The following LRRC63 variants were observed in gnomAD, a reference collection of about 807,000 sequenced individuals.
The protein encoded by LRRC63 is leucine-rich repeat-containing protein 63.
A neutral mutation model predicts 49.5 loss-of-function variants in LRRC63; 40 were observed. That is an observed-to-expected ratio of 0.81 (90% confidence interval 0.63 to 1.05). The LOEUF (loss-of-function observed/expected upper bound fraction) is 1.05, where lower values mean the gene tolerates loss of function less well. Among genes scored for constraint, LRRC63 ranks in the 50% least tolerant of loss-of-function variants. The probability of loss-of-function intolerance (pLI) is 0.00; values close to 1 mark genes in which losing one functional copy is unlikely to be tolerated. For missense variants in LRRC63, 636 were observed against 663.1 expected, an observed-to-expected ratio of 0.96 and a Z score of 0.45; for synonymous variants, 191 against 221.1, an observed-to-expected ratio of 0.86 and a Z score of 1.21.
At chr13:46,258,255 A>G (rs865947032) in intron 7 of LRRC63, among the ~76,000 whole-genome samples, 16 of 148,248 alleles carry the variant, frequency 1.1e-4, no homozygotes, top group Admixed American at 1.0e-3. Context: ...TCAGCCTCCC[A>G]AGTAGCTGGG....
rs755438831 is a variant in LRRC63, at chr13:46,246,512, G to T, written c.991-15G>T. On this transcript the variant is annotated splice_polypyrimidine_tract_variant and intron_variant, in intron 5 of 9. Transcript: ENST00000595396. ...GTTAGTGATTAACACCTTATCTCTT[G>T]TCACTTTCTTTTAGGGCTTTTTTAT... The T allele has an allele frequency of 4.6e-5, 62 of 1,354,000 alleles. No homozygotes were observed. The highest frequency in any genetic ancestry group is 1.0e-4 in the Admixed American group (3 of 30,084). 83.9% of individuals were successfully genotyped at this position (1,354,000 alleles called of 1,614,324 possible). A position where few individuals can be genotyped will look rare whatever the true frequency, so the allele number is the denominator to read the frequency against.
chr13:46,272,931 A>G (rs1028902883), intron 9 of LRRC63, among the ~76,000 whole-genome samples: 3 of 152,192 alleles, frequency 2.0e-5, no homozygotes, highest in African/African-American at 7.2e-5. Context: ...GGAGGGGACA[A>G]CCCAAGGGAA....
chr13:46,212,859 C>CTTTTTTTTTTT, intron 1 of LRRC63, 143 bp from the exon 2 acceptor site: 1 of 501,448 alleles, frequency 2.0e-6, no homozygotes, highest in Non-Finnish European at 3.5e-6. Flanking sequence ...TTCTTACCCT[C>CTTTTTTTTTTT]TTTTTTTTTC....
At chr13:46,249,943 G>A (rs562828104) in intron 6 of LRRC63, 1 of 152,632 alleles carries the variant, frequency 6.6e-6, no homozygotes, top group South Asian at 2.1e-4. Flanking sequence ...AAATTACTGG[G>A]ATGTCAGAAA....
intron 9 of LRRC63, among the ~76,000 whole-genome samples, chr13:46,271,118 A>G (rs2047752322): frequency 6.6e-6 from 1 of 152,178 alleles, no homozygotes; most frequent in Non-Finnish European, 1.5e-5. Flanking sequence ...CTGACTTTTC[A>G]TATACTCAGT....
At chr13:46,232,369 A>G (rs141035546) in intron 4 of LRRC63, among the ~76,000 whole-genome samples, 59 of 152,384 alleles carry the variant, frequency 3.9e-4, no homozygotes, top group African/African-American at 1.3e-3. Context: ...AGACTCCAAG[A>G]AACACAGTAG....
intron 5 of LRRC63, among the ~76,000 whole-genome samples, chr13:46,237,681 T>C (rs984851): frequency 0.54 from 81,576 of 151,784 alleles, 25,523 homozygotes; most frequent in African/African-American, 0.86. Flanking sequence ...TAAAGATCAA[T>C]AAAATAAACA....
chr13:46,221,124 A>G (rs1397038789), intron 2 of LRRC63, among the ~76,000 whole-genome samples: 1 of 152,214 alleles, frequency 6.6e-6, no homozygotes. Flanking sequence ...CACTATGTGT[A>G]CAGCTGGCAC....
At chr13:46,226,395 CA>C (rs765739217) in intron 2 of LRRC63, among the ~76,000 whole-genome samples, 32 of 152,140 alleles carry the variant, frequency 2.1e-4, no homozygotes, top group Non-Finnish European at 4.7e-4. Flanking sequence ...GAATCAGCAT[CA>C]GTCTTGTACC....
At chr13:46,225,686 G>T (rs2046551982) in intron 2 of LRRC63, among the ~76,000 whole-genome samples, 1 of 152,142 alleles carries the variant, frequency 6.6e-6, no homozygotes, top group Non-Finnish European at 1.5e-5. Context: ...GCTTTAATTA[G>T]TTCCACTTAA....
intron 9 of LRRC63, among the ~76,000 whole-genome samples, chr13:46,271,721 TAAA>T (rs56215272): frequency 6.8e-5 from 9 of 131,998 alleles, no homozygotes; most frequent in Admixed American, 1.5e-4. Context: ...TCATTTAAAC[TAAA>T]AAAAAAAAAA....
chr13:46,271,892 A>C (rs2047764527), intron 9 of LRRC63, among the ~76,000 whole-genome samples: 1 of 152,110 alleles, frequency 6.6e-6, no homozygotes, highest in African/African-American at 2.4e-5. Flanking sequence ...TACAGAAAAA[A>C]GTTTATAAAT....
intron 9 of LRRC63, chr13:46,270,754 C>T: frequency 2.0e-6 from 1 of 494,406 alleles, no homozygotes; most frequent in East Asian, 4.0e-5. Flanking sequence ...TGGTGCTTCA[C>T]TTACCTTCGT....
At chr13:46,226,407 C>A (rs1468257799) in intron 2 of LRRC63, among the ~76,000 whole-genome samples, 1 of 152,074 alleles carries the variant, frequency 6.6e-6, no homozygotes, top group Non-Finnish European at 1.5e-5. Flanking sequence ...GTCTTGTACC[C>A]CATGGAAATG....
chr13:46,217,574 T>A (rs2046288101), intron 2 of LRRC63, among the ~76,000 whole-genome samples: 1 of 152,212 alleles, frequency 6.6e-6, no homozygotes, highest in Non-Finnish European at 1.5e-5. Flanking sequence ...GATTCATTGA[T>A]TTTTTGAAGG....
At position 46,234,237 on chromosome 13, in the gene LRRC63, G is replaced by A. The variant is rs138373532; in HGVS notation, c.878G>A (p.Arg293His). ...ATAGAATCAGAGATACACGTTGTACGTGGTGAAGGTTTTAAGACTGTTGCA... is the reference window on the plus strand; with the variant it reads ...ATAGAATCAGAGATACACGTTGTACATGGTGAAGGTTTTAAGACTGTTGCA... The change falls in exon 5 of 10, where the codon CGT becomes CAT. Residue 293 changes from arginine (R) to histidine (H), a missense_variant. By Grantham distance (29) the Arg-to-His change is conservative (BLOSUM62 0). Coordinates refer to ENST00000595396, the Ensembl canonical transcript of LRRC63. The A allele has an allele frequency of 9.5e-4, 1,468 of 1,550,156 alleles. 23 individuals are homozygous for A. The East Asian group carries it at 0.03, about 32-fold the overall frequency.
intron 4 of LRRC63, among the ~76,000 whole-genome samples, chr13:46,229,509 G>C (rs1312047045): frequency 6.6e-6 from 1 of 152,190 alleles, no homozygotes. Flanking sequence ...ATTACAAGTA[G>C]AATGTGGTGG....
At position 46,213,050 on chromosome 13, in the gene LRRC63, C is replaced by T. The variant is rs753296012; in HGVS notation, c.16C>T (p.Leu6=). The T allele has an allele frequency of 7.1e-6, 11 of 1,548,816 alleles. No individual in the cohort carries two copies. The South Asian group carries it at 1.2e-4, about 17-fold the overall frequency. Reference sequence around the variant, plus strand: ...ATTCATTAAAATGCAAAAGCCCCCACTGCTTCTTCGAAGACCCTTACCTCC... The same window carrying T: ...ATTCATTAAAATGCAAAAGCCCCCATTGCTTCTTCGAAGACCCTTACCTCC... The change falls in exon 2 of 10, where the codon CTG becomes TTG. Residue 6 remains leucine (L), a synonymous_variant. Coordinates refer to ENST00000595396, the Ensembl canonical transcript of LRRC63.
chr13:46,262,908 T>C (rs2047634842), intron 8 of LRRC63, among the ~76,000 whole-genome samples: 1 of 152,208 alleles, frequency 6.6e-6, no homozygotes, highest in Non-Finnish European at 1.5e-5. Flanking sequence ...TACTACATTT[T>C]ATTTTGTTTC....
Sources: allele counts gnomAD v4.1 joint callset (sites outside exome capture counted in the v4.1 genomes callset), GRCh38; gene constraint gnomAD v4.1.1; transcripts MANE v1.5; gene names NCBI Gene and HGNC (gene_info 2026-07-23, HGNC 2026-07-21).